The following SGCZ variants were observed in gnomAD, a reference collection of about 807,000 sequenced individuals.
SGCZ encodes sarcoglycan zeta, also known as zeta-sarcoglycan.
In SGCZ, 40 loss-of-function variants were observed where a neutral mutation model predicts 41.3. The observed-to-expected ratio is 0.97, with a 90% CI of 0.75 to 1.26. The LOEUF (loss-of-function observed/expected upper bound fraction) is 1.26, where lower values mean the gene tolerates loss of function less well. Among genes scored for constraint, SGCZ ranks in the 50% most tolerant of loss-of-function variants. The pLI is 0.00. For synonymous variants in SGCZ, 206 were observed against 137.5 expected, an observed-to-expected ratio of 1.50 and a Z score of -3.49; for missense variants, 552 against 369.8, an observed-to-expected ratio of 1.49 and a Z score of -4.04.
chr8:14,359,789 G>A (rs539023754), intron 2 of SGCZ, among the ~76,000 whole-genome samples: 3 of 150,106 alleles, frequency 2.0e-5, no homozygotes, highest in South Asian at 2.1e-4. Flanking sequence ...GTTAGTACAC[G>A]GCTAGTATTG....
intron 2 of SGCZ, among the ~76,000 whole-genome samples, chr8:14,365,983 T>C (rs1363370406): frequency 6.6e-6 from 1 of 152,172 alleles, no homozygotes; most frequent in East Asian, 1.9e-4. Flanking sequence ...TCTTTGTTAT[T>C]TTTCTCTATT....
chr8:14,723,831 C>T (rs937929420), intron 1 of SGCZ, among the ~76,000 whole-genome samples: 20 of 152,008 alleles, frequency 1.3e-4, no homozygotes, highest in African/African-American at 4.3e-4. Flanking sequence ...CTAATTGCAG[C>T]AAACATTGTT....
chr8:15,070,697 T>C (rs928840441), intron 1 of SGCZ, among the ~76,000 whole-genome samples: 17 of 152,306 alleles, frequency 1.1e-4, no homozygotes, highest in African/African-American at 3.8e-4. Context: ...GTGTGATATT[T>C]AGATTTAACA....
chr8:14,983,889 A>G (rs1415885171), intron 1 of SGCZ, among the ~76,000 whole-genome samples: 1 of 152,190 alleles, frequency 6.6e-6, no homozygotes, highest in African/African-American at 2.4e-5. Context: ...ATATTCAACT[A>G]TATACAATTA....
Position 15,101,697 on chromosome 8 carries a change from GAGGCAGGCAGATACTTGA to G in SGCZ, c.39+135870_39+135887del, listed in dbSNP as rs1447659381. Among the ~76,000 whole-genome samples, 3 of 152,242 alleles carry G rather than the reference GAGGCAGGCAGATACTTGA, an allele frequency of 2.0e-5. No homozygotes were observed. In the East Asian group the frequency reaches 5.8e-4, roughly 29 times the overall value. ...TGTAATCCCAGCACTTTGCGAGGATGAGGCAGGCAGATACTTGAAGTCAGGCATTTGAGACCAGCCTGG... is the reference window on the plus strand; with the variant it reads ...TGTAATCCCAGCACTTTGCGAGGATGAGTCAGGCATTTGAGACCAGCCTGG... On this transcript the variant is annotated intron_variant, in intron 1 of 7. Transcript: ENST00000382080.
intron 1 of SGCZ, among the ~76,000 whole-genome samples, chr8:15,142,645 G>A (rs1454505380): frequency 6.6e-6 from 1 of 151,764 alleles, no homozygotes; most frequent in Non-Finnish European, 1.5e-5. Flanking sequence ...AAATCACCAG[G>A]AAAATAAATG....
At chr8:14,309,554 AC>A in intron 3 of SGCZ, 2 of 1,610,642 alleles carry the variant, frequency 1.2e-6, no homozygotes, top group South Asian at 2.2e-5. Context: ...TGTTACACAT[AC>A]AGGGACGGTA....
At chr8:15,053,041 T>A (rs928277882) in intron 1 of SGCZ, among the ~76,000 whole-genome samples, 1 of 152,156 alleles carries the variant, frequency 6.6e-6, no homozygotes, top group Non-Finnish European at 1.5e-5. Flanking sequence ...CATTCCTCTG[T>A]AATAACTCTA....
chr8:14,114,980 G>A (rs931504558), intron 5 of SGCZ, among the ~76,000 whole-genome samples: 2 of 151,822 alleles, frequency 1.3e-5, no homozygotes, highest in East Asian at 3.9e-4. Context: ...ATGAATATGT[G>A]GTTTGATGGA....
chr8:15,208,613 C>T (rs1231132568), intron 1 of SGCZ, among the ~76,000 whole-genome samples: 1 of 152,074 alleles, frequency 6.6e-6, no homozygotes, highest in African/African-American at 2.4e-5. Flanking sequence ...CTAGAAAAGT[C>T]TGTAAGGTAG....
chr8:14,639,026 A>G (rs1357929511), intron 1 of SGCZ, among the ~76,000 whole-genome samples: 1 of 145,482 alleles, frequency 6.9e-6, no homozygotes, highest in Non-Finnish European at 1.5e-5. Flanking sequence ...TAATACACTA[A>G]GAAACTGGAA....
intron 3 of SGCZ, among the ~76,000 whole-genome samples, chr8:14,244,243 C>T (rs1325820082): frequency 1.3e-5 from 2 of 151,884 alleles, no homozygotes; most frequent in Non-Finnish European, 2.9e-5. Context: ...CTTCCTTCTT[C>T]CTCCTCCTTC....
chr8:14,470,362 ACGTGTAGTAAGAAT>A (rs1801180277), intron 2 of SGCZ, among the ~76,000 whole-genome samples: 2 of 152,156 alleles, frequency 1.3e-5, no homozygotes, highest in Non-Finnish European at 2.9e-5. Context: ...AGCACTTAAT[ACGTGTAGTAAGAAT>A]TAAGAGATAT....
intron 1 of SGCZ, among the ~76,000 whole-genome samples, chr8:14,972,445 C>T (rs1319319883): frequency 6.6e-6 from 1 of 152,090 alleles, no homozygotes; most frequent in Non-Finnish European, 1.5e-5. Context: ...TGGGTCTTGA[C>T]ATTTATAAAG....
chr8:14,207,449 A>T (rs1805653609), intron 4 of SGCZ, among the ~76,000 whole-genome samples: 1 of 152,178 alleles, frequency 6.6e-6, no homozygotes, highest in Non-Finnish European at 1.5e-5. Flanking sequence ...TCAGAAAAGA[A>T]ATATTTATAC....
intron 1 of SGCZ, among the ~76,000 whole-genome samples, chr8:14,966,381 A>G (rs1447309195): frequency 1.3e-5 from 2 of 151,686 alleles, no homozygotes; most frequent in Non-Finnish European, 2.9e-5. Flanking sequence ...AAATTTATTC[A>G]TATTGTCCCA....
intron 1 of SGCZ, among the ~76,000 whole-genome samples, chr8:14,857,305 C>G (rs920636761): frequency 6.6e-6 from 1 of 152,006 alleles, no homozygotes; most frequent in African/African-American, 2.4e-5. Flanking sequence ...TATCAATTAC[C>G]CAGTTGTCAG....
At chr8:14,380,250 A>G (rs1455537434) in intron 2 of SGCZ, among the ~76,000 whole-genome samples, 1 of 152,194 alleles carries the variant, frequency 6.6e-6, no homozygotes, top group South Asian at 2.1e-4. Context: ...ATTATAGTAC[A>G]GACACTGTCA....
At chr8:15,214,397 C>G (rs953921446) in intron 1 of SGCZ, among the ~76,000 whole-genome samples, 4 of 152,016 alleles carry the variant, frequency 2.6e-5, no homozygotes, top group African/African-American at 7.2e-5. Flanking sequence ...AACACTGCTG[C>G]TTTTATTTAA....
Sources: gnomAD v4.1 joint callset for allele counts (sites outside exome capture counted in the v4.1 genomes callset) on GRCh38, gnomAD v4.1.1 for gene constraint, MANE v1.5 for transcripts, NCBI Gene and HGNC (gene_info 2026-07-23, HGNC 2026-07-21) for gene names.